ARHGAP32: variants seen among roughly 807,000 people sequenced by gnomAD.
The protein encoded by ARHGAP32 is Rho GTPase activating protein 32, also known as rho GTPase-activating protein 32.
In ARHGAP32, 51 loss-of-function variants were observed where a neutral mutation model predicts 186.5. The ratio of observed to expected loss-of-function variants is 0.27; its 90% CI spans 0.22 to 0.35. The LOEUF (loss-of-function observed/expected upper bound fraction) is 0.35, where lower values mean the gene tolerates loss of function less well. ARHGAP32 is among the 10% of genes least tolerant of loss of function. ARHGAP32 has a pLI of 1.00. For synonymous variants in ARHGAP32, 950 were observed against 964.3 expected (o/e 0.99, Z 0.27); for missense variants, 2,186 against 2,623.5 (o/e 0.83, Z 3.64).
chr11:128,969,172 TC>T lies in ARHGAP32; in HGVS notation c.6040del (p.Asp2014ThrfsTer18). 6.2e-7 allele frequency: 1 copy of T among 1,613,376 alleles called. No individual in the cohort carries two copies. Among genetic ancestry groups the T allele is most frequent in the Non-Finnish European group, 8.5e-7 (1 of 1,179,642 alleles). On this transcript the variant is annotated frameshift_variant, in exon 23 of 23. Transcript: ENST00000682385. LOFTEE classifies it high-confidence loss of function. This position sits in a 1 kb window ranked among gnomAD's most constrained non-coding sequence, Gnocchi z 4.8. ...TTGGTACTGGTACAGCACACTGGGG[TC>T]CCTCTCCACGTTCTGGGTATGATGG... ...KLHHTQNVER[D>X]PSVLYQYQPH...
chr11:129,130,735 G>C (rs554472568), intron 2 of ARHGAP32, among the ~76,000 whole-genome samples: 1 of 152,254 alleles, frequency 6.6e-6, no homozygotes, highest in African/African-American at 2.4e-5. Context: ...AAGATGCATT[G>C]GTGGTTAGAG....
At position 129,034,348 on chromosome 11, in the gene ARHGAP32, T is replaced by C. The variant is rs75895353; in HGVS notation, c.1045+6580A>G. On this transcript the variant is annotated intron_variant, in intron 11 of 22. Transcript: ENST00000682385. ...CTTCAAAGATATGTTTTTATACTTCTGTCAAAATTTTTTAACTGTCCTCAG... is the reference window on the plus strand; with the variant it reads ...CTTCAAAGATATGTTTTTATACTTCCGTCAAAATTTTTTAACTGTCCTCAG... Among the ~76,000 whole-genome samples the C allele has an allele frequency of 4.4e-3, 664 of 152,346 alleles. 10 individuals carry two copies. Among genetic ancestry groups the C allele is most frequent in the African/African-American group, 0.015 (632 of 41,580 alleles).
At chr11:129,139,541 G>A (rs1018742076) in intron 2 of ARHGAP32, among the ~76,000 whole-genome samples, 5 of 152,130 alleles carry the variant, frequency 3.3e-5, no homozygotes, top group Non-Finnish European at 7.4e-5. Context: ...GTCATGGGAG[G>A]GACCCAGTGG....
chr11:128,981,635 A>G, intron 16 of ARHGAP32, 74 bp from the exon 17 acceptor site: 1 of 1,468,346 alleles, frequency 6.8e-7, no homozygotes, highest in Non-Finnish European at 9.3e-7. Flanking sequence ...TAAACGTGTA[A>G]ATCTCAGACA....
At chr11:128,982,891 TA>T (rs34630708) in intron 15 of ARHGAP32, among the ~76,000 whole-genome samples, 18,714 of 66,348 alleles carry the variant, frequency 0.28, 2,141 homozygotes, top group Middle Eastern at 0.3. Context: ...ACCTTGTCTT[TA>T]AAAAAAAAAA....
chr11:129,099,426 G>A (rs1941827529), intron 5 of ARHGAP32, among the ~76,000 whole-genome samples: 1 of 152,170 alleles, frequency 6.6e-6, no homozygotes, highest in Non-Finnish European at 1.5e-5. Context: ...TGGGTGTATG[G>A]TAGGCTATAC....
At chr11:129,137,209 T>C (rs1047252525) in intron 2 of ARHGAP32, among the ~76,000 whole-genome samples, 10 of 151,040 alleles carry the variant, frequency 6.6e-5, no homozygotes, top group African/African-American at 2.2e-4. Flanking sequence ...TAAAAATATA[T>C]ATATGTGTTT....
chr11:129,073,551 G>A (rs999952624), intron 6 of ARHGAP32, among the ~76,000 whole-genome samples: 1 of 151,896 alleles, frequency 6.6e-6, no homozygotes, highest in African/African-American at 2.4e-5. Flanking sequence ...AGAGAGAAAA[G>A]ACTAAAGAAA....
chr11:129,113,240 G>C (rs1001324251), intron 5 of ARHGAP32, among the ~76,000 whole-genome samples: 4 of 152,146 alleles, frequency 2.6e-5, no homozygotes, highest in Admixed American at 1.3e-4. Context: ...TGCACATACA[G>C]AGATGATTAA....
intron 1 of ARHGAP32, among the ~76,000 whole-genome samples, chr11:129,246,520 C>T (rs1007821112): frequency 2.2e-4 from 33 of 152,074 alleles, no homozygotes; most frequent in Non-Finnish European, 1.0e-4. Context: ...AAAGCCAATA[C>T]CTCGAAATCC....
chr11:129,107,926 C>A (rs542426093), intron 5 of ARHGAP32, among the ~76,000 whole-genome samples: 2 of 144,820 alleles, frequency 1.4e-5, no homozygotes, highest in South Asian at 4.5e-4. Flanking sequence ...GTTAAGTTGG[C>A]ATAAATTCAA....
intron 1 of ARHGAP32, among the ~76,000 whole-genome samples, chr11:129,230,760 A>C (rs1352944824): frequency 6.6e-6 from 1 of 152,204 alleles, no homozygotes; most frequent in Non-Finnish European, 1.5e-5. Flanking sequence ...ATCATACATC[A>C]AATCAATAAC....
intron 1 of ARHGAP32, among the ~76,000 whole-genome samples, chr11:129,211,651 T>C (rs1305920246): frequency 6.6e-6 from 1 of 152,078 alleles, no homozygotes; most frequent in Non-Finnish European, 1.5e-5. Flanking sequence ...TTAAAGAAAA[T>C]ACAGGTTCCC....
chr11:128,989,495 G>A (rs1264318634), intron 12 of ARHGAP32, among the ~76,000 whole-genome samples: 2 of 138,628 alleles, frequency 1.4e-5, no homozygotes, highest in Non-Finnish European at 3.2e-5. Flanking sequence ...CAGAGCCAAT[G>A]CTTTTGTTTT....
chr11:128,999,695 G>A (rs183187862), intron 11 of ARHGAP32, among the ~76,000 whole-genome samples: 1 of 152,252 alleles, frequency 6.6e-6, no homozygotes, highest in African/African-American at 2.4e-5. Flanking sequence ...CCGACACTTT[G>A]GGAAAATAGA....
At chr11:129,141,761 C>A (rs1432361020) in intron 2 of ARHGAP32, among the ~76,000 whole-genome samples, 5 of 149,324 alleles carry the variant, frequency 3.3e-5, no homozygotes, top group African/African-American at 9.8e-5. Flanking sequence ...AATCTCACCA[C>A]CATGGGAAAT....
chr11:129,061,431 T>A (rs1157340574), intron 10 of ARHGAP32, among the ~76,000 whole-genome samples: 1 of 152,236 alleles, frequency 6.6e-6, no homozygotes, highest in Non-Finnish European at 1.5e-5. Flanking sequence ...TAGGATACTT[T>A]TTCCTATACA....
At chr11:129,220,895 AC>A (rs1192749612) in intron 1 of ARHGAP32, among the ~76,000 whole-genome samples, 1 of 152,190 alleles carries the variant, frequency 6.6e-6, no homozygotes, top group Non-Finnish European at 1.5e-5. Flanking sequence ...AAGTCTAACT[AC>A]ACATTACAAT....
At position 129,040,822 on chromosome 11, in the gene ARHGAP32, CT is replaced by C. The variant is rs1301366649; in HGVS notation, c.1045+105del. 4 of 689,064 alleles carry C rather than the reference CT, an allele frequency of 5.8e-6. No homozygotes were observed. The African/African-American group carries it at 7.2e-5, about 12-fold the overall frequency. 42.7% of individuals were successfully genotyped at this position (689,064 alleles called of 1,614,324 possible). A position where few individuals can be genotyped will look rare whatever the true frequency, so the allele number is the denominator to read the frequency against. Reference sequence around the variant, plus strand: ...AAATTAAGAATGTTAATTATTATGCCTATAAATGCAAAACTAGCAAAACAAG... The same window carrying C: ...AAATTAAGAATGTTAATTATTATGCCATAAATGCAAAACTAGCAAAACAAG... On this transcript the variant is annotated intron_variant, in intron 11 of 22. Coordinates refer to ENST00000682385, the MANE Select transcript of ARHGAP32 (RefSeq NM_001378024.1).
Sources: gnomAD v4.1 joint callset for allele counts (sites outside exome capture counted in the v4.1 genomes callset) on GRCh38, gnomAD v4.1.1 for gene constraint, Gnocchi (gnomAD v3.1) non-coding constraint, MANE v1.5 for transcripts, NCBI Gene and HGNC (gene_info 2026-07-23, HGNC 2026-07-21) for gene names.